The following CATSPER2 variants were observed in gnomAD, a reference collection of about 807,000 sequenced individuals.
CATSPER2 encodes cation channel sperm associated 2.
CATSPER2 carries 56 observed loss-of-function variants against 68.8 expected under a neutral mutation model. The ratio of observed to expected loss-of-function variants is 0.81; its 90% confidence interval spans 0.66 to 1.02. The LOEUF is 1.02. Ranked by LOEUF, CATSPER2 falls within the 50% of genes least tolerant of loss-of-function variation. The pLI, the probability that CATSPER2 is intolerant of heterozygous loss-of-function variation, is 0.00. For synonymous variants in CATSPER2, 198 were observed against 229.9 expected, an observed-to-expected ratio of 0.86 and a Z score of 1.26; for missense variants, 582 against 642.0, an observed-to-expected ratio of 0.91 and a Z score of 1.01.
Position 43,635,381 on chromosome 15 carries a change from C to G in CATSPER2, c.1157G>C (p.Ser386Thr). 1 of 1,609,604 alleles carries G rather than the reference C, an allele frequency of 6.2e-7. No individual in the cohort carries two copies. The highest frequency in any genetic ancestry group is 8.5e-7 in the Non-Finnish European group (1 of 1,179,138). ...KNMSHEALTS[S>T]HSKIEDSSRG... Reference sequence around the variant, plus strand: ...TAACCTGTCCTCTATTTTGCTATGGCTTGACGTCAGTGCTTCATGTGACAT... The same window carrying G: ...TAACCTGTCCTCTATTTTGCTATGGGTTGACGTCAGTGCTTCATGTGACAT... The change falls in exon 10 of 13, where the codon AGC (serine) becomes ACC (threonine). Residue 386 changes from serine to threonine, a missense_variant. Around this residue, in one of 5 missense-constraint regions of CATSPER2, gnomAD observed 235 missense variants for 264.2 expected, o/e 0.89. Coordinates refer to ENST00000396879, the MANE Select transcript of CATSPER2 (RefSeq NM_172095.4).
intron 12 of CATSPER2, among the ~76,000 whole-genome samples, chr15:43,631,709 A>G (rs2085875329): frequency 6.6e-6 from 1 of 151,922 alleles, no homozygotes. Flanking sequence ...GAAGTTTAGA[A>G]TTCATAAACC....
intron 4 of CATSPER2, among the ~76,000 whole-genome samples, chr15:43,643,594 C>T (rs1380298955): frequency 6.6e-6 from 1 of 151,854 alleles, no homozygotes; most frequent in Non-Finnish European, 1.5e-5. Context: ...GACTAGGCCT[C>T]CCAAATTGCT....
intron 12 of CATSPER2, among the ~76,000 whole-genome samples, chr15:43,631,154 T>G (rs1303063931): frequency 1.3e-5 from 2 of 152,034 alleles, no homozygotes; most frequent in Non-Finnish European, 2.9e-5. Context: ...ATTTTCAAAC[T>G]GAGTTGATTT....
At chr15:43,635,271 A>G in intron 10 of CATSPER2, 89 bp downstream of exon 10, 1 of 1,180,362 alleles carries the variant, frequency 8.5e-7, no homozygotes, top group African/African-American at 1.5e-5. Flanking sequence ...AAATGAATGA[A>G]TTATCTCTCA....
Position 43,630,562 on chromosome 15 carries a change from T to C in CATSPER2, c.*139A>G. The C allele has an allele frequency of 8.3e-6, 13 of 1,563,526 alleles. 1 individual carries two copies. Among genetic ancestry groups the C allele is most frequent in the Non-Finnish European group, 1.1e-5 (13 of 1,148,918 alleles). ...AGTAGAGACAGGGTTTCACCACGCC[T>C]GGCCTAGACACTTATACTTTTTAAT... On this transcript the variant is annotated 3_prime_UTR_variant, in exon 13 of 13. Transcript: ENST00000396879.
At position 43,639,905 on chromosome 15, in the gene CATSPER2, G is replaced by C. The variant is rs12443102; in HGVS notation, c.562-107C>G. 202,068 of 1,599,198 alleles carry C rather than the reference G, an allele frequency of 0.13. 20,032 individuals carry two copies. The highest frequency in any genetic ancestry group is 0.44 in the African/African-American group (32,867 of 74,396). ...CATTGTTCCCTGGGCGTTATCCCTT[G>C]AATAGCATTCTCTGAGAAGTGCTTA... On this transcript the variant is annotated intron_variant, in intron 5 of 12. Coordinates refer to ENST00000396879, the MANE Select transcript of CATSPER2 (RefSeq NM_172095.4).
In CATSPER2 at chr15:43,636,147, G is replaced by A. The variant is rs200270829; in HGVS notation, c.915C>T (p.Asp305=). 627 of 1,607,764 alleles carry A rather than the reference G, an allele frequency of 3.9e-4. 8 individuals carry two copies. Among genetic ancestry groups the A allele is most frequent in the Non-Finnish European group, 4.9e-4 (572 of 1,175,598 alleles). ...GACTGACTTCAGGCACCTTCCAGAC[G>A]TCCTGAAGCAGTGCATACCAATGAT... The part of the protein sequence containing the change: ...TLDHWYALLQ[D]VWKVPEVSRI... Residue 305 remains aspartate (D), a synonymous_variant, in exon 8 of 13, where the codon GAC becomes GAT. Coordinates refer to ENST00000396879, the MANE Select transcript of CATSPER2 (RefSeq NM_172095.4).
In CATSPER2 at chr15:43,631,966, G is replaced by T. The variant is rs1482397048; in HGVS notation, c.1561+233C>A. On this transcript the variant is annotated intron_variant, in intron 12 of 12. Transcript: ENST00000396879. ...AGCTCTCATACCTCATAGGATTTGG[G>T]TGTCCCCTGCTACAGAAGCAGAGTT... 1.3e-5 allele frequency among the ~76,000 whole-genome samples: 2 copies of T among 151,924 alleles called. 1 individual carries two copies. The highest frequency in any genetic ancestry group is 4.8e-5 in the African/African-American group (2 of 41,362).
Position 43,648,445 on chromosome 15 carries a change from G to C in CATSPER2, c.-3+184C>G, listed in dbSNP as rs144454359. On this transcript the variant is annotated intron_variant, in intron 1 of 12. Coordinates refer to ENST00000396879, the MANE Select transcript of CATSPER2 (RefSeq NM_172095.4). ...GGTCCCACCTGTGCCTGAGACAATC[G>C]GGCAATGAGGTGGAGTTGGGGGAGG... is the stretch of plus-strand genomic sequence containing the variant. Among the ~76,000 whole-genome samples, 442 of 152,098 alleles carry C rather than the reference G, an allele frequency of 2.9e-3. 8 individuals carry two copies. Among genetic ancestry groups the C allele is most frequent in the African/African-American group, 9.9e-3 (412 of 41,500 alleles).
chr15:43,640,101 C>T, intron 5 of CATSPER2: 3 of 1,438,656 alleles, frequency 2.1e-6, no homozygotes, highest in East Asian at 2.5e-5. Flanking sequence ...TGCTCAGTAA[C>T]CGGCAGATGC....
At chr15:43,638,100 G>A (rs1242288246) in intron 7 of CATSPER2, among the ~76,000 whole-genome samples, 7 of 150,462 alleles carry the variant, frequency 4.7e-5, no homozygotes, top group Admixed American at 1.3e-4. Flanking sequence ...GATTACAGGC[G>A]CCCACCACCA....
chr15:43,635,540 G>T lies in CATSPER2; in HGVS notation c.1122-124C>A. 2.5e-6 allele frequency: 3 copies of T among 1,215,218 alleles called. No homozygotes were observed. In the South Asian group the frequency reaches 3.7e-5, roughly 15 times the overall value. 75.3% of individuals were successfully genotyped at this position (1,215,218 alleles called of 1,614,324 possible). ...GGGGAGAACAAATTGTAGTCAAGGG[G>T]TGAAAAAAATGGAGGACACCCCACA... is the stretch of plus-strand genomic sequence containing the variant. On this transcript the variant is annotated intron_variant, in intron 9 of 12. Coordinates refer to ENST00000396879, the MANE Select transcript of CATSPER2 (RefSeq NM_172095.4).
rs1386578172 is a variant in CATSPER2 at position 43,641,275 on chromosome 15, C to T, written c.389-779G>A. On this transcript the variant is annotated intron_variant, in intron 4 of 12. Transcript: ENST00000396879. ...GGGATTACAGGCATGCACCACCACACCCGGCTAATTTTGTATTTTCAGTAG... is the reference window on the plus strand; with the variant it reads ...GGGATTACAGGCATGCACCACCACATCCGGCTAATTTTGTATTTTCAGTAG... Among the ~76,000 whole-genome samples the T allele has an allele frequency of 1.3e-5, 2 of 151,592 alleles. 1 individual carries two copies. Among genetic ancestry groups the T allele is most frequent in the East Asian group, 3.9e-4 (2 of 5,180 alleles).
At chr15:43,631,765 T>C (rs2085876316) in intron 12 of CATSPER2, among the ~76,000 whole-genome samples, 1 of 151,916 alleles carries the variant, frequency 6.6e-6, no homozygotes, top group Admixed American at 6.6e-5. Context: ...ATACTGCTCA[T>C]TGTCTGATCC....
At chr15:43,631,134 C>A (rs1040328798) in intron 12 of CATSPER2, among the ~76,000 whole-genome samples, 1 of 151,978 alleles carries the variant, frequency 6.6e-6, no homozygotes, top group East Asian at 1.9e-4. Flanking sequence ...GTCCTCCTCT[C>A]TAATTTCTTA....
intron 1 of CATSPER2, 117 bp from the exon 2 acceptor site, chr15:43,648,180 C>T (rs775681786): frequency 4.0e-5 from 49 of 1,210,548 alleles, no homozygotes; most frequent in Non-Finnish European, 5.5e-5. Context: ...TTAATGTACC[C>T]ACATCTACGA....
At chr15:43,643,420 C>G (rs1480581820) in intron 4 of CATSPER2, among the ~76,000 whole-genome samples, 1 of 151,560 alleles carries the variant, frequency 6.6e-6, no homozygotes, top group Non-Finnish European at 1.5e-5. Context: ...TCACTGCAAA[C>G]TCCGCCTCCC....
Position 43,648,695 on chromosome 15 carries a change from C to T in CATSPER2, c.-69G>A, listed in dbSNP as rs2086219973. The T allele has an allele frequency of 5.4e-5, 79 of 1,454,118 alleles. 1 individual carries two copies. The South Asian group carries it at 9.4e-4, about 17-fold the overall frequency. 90.1% of individuals were successfully genotyped at this position (1,454,118 alleles called of 1,614,324 possible). On this transcript the variant is annotated 5_prime_UTR_variant, in exon 1 of 13. Coordinates refer to ENST00000396879, the MANE Select transcript of CATSPER2 (RefSeq NM_172095.4). ...GCTTCCGCCTCCAGCTCAGGTGCCC[C>T]GAGCCTGGCTACCCCTATGCAAGAC...
In CATSPER2 at chr15:43,632,847, A is replaced by C. The variant is rs754997892; in HGVS notation, c.1266T>G (p.Asp422Glu). The change falls in exon 11 of 13, where the codon GAT becomes GAG. Residue 422 changes from aspartate to glutamate, a missense_variant. By Grantham distance (45) the Asp-to-Glu change is conservative. This residue lies in a region of CATSPER2 where 235 missense variants were observed against 264.2 expected (regional missense o/e 0.89). Transcript: ENST00000396879. ...VESNYGATEEDLITSASKTEE... is the reference protein window; with the variant it reads ...VESNYGATEEELITSASKTEE... Reference sequence around the variant, plus strand: ...CTGTTTTTGATGCAGATGTTATTAAATCCTCTTCAGTGGCACCATAATTAG... The same window carrying C: ...CTGTTTTTGATGCAGATGTTATTAACTCCTCTTCAGTGGCACCATAATTAG... The C allele has an allele frequency of 1.2e-6, 2 of 1,613,330 alleles. No individual in the cohort carries two copies. The highest frequency in any genetic ancestry group is 2.7e-5 in the African/African-American group (2 of 74,744).
Sources: allele counts gnomAD v4.1 joint callset (sites outside exome capture counted in the v4.1 genomes callset), GRCh38; gene constraint gnomAD v4.1.1; regional missense constraint gnomAD v4.1.1; transcripts MANE v1.5; gene names NCBI Gene and HGNC (gene_info 2026-07-23, HGNC 2026-07-21).